Variants in PRELID2 observed in about 807,000 individuals in gnomAD.
PRELID2 encodes PRELI domain-containing protein 2.
A neutral mutation model predicts 28.4 loss-of-function variants in PRELID2; 25 were observed. The ratio of observed to expected loss-of-function variants is 0.88; its 90% CI spans 0.64 to 1.23. The LOEUF (loss-of-function observed/expected upper bound fraction) is 1.23. PRELID2 is among the 50% of genes most tolerant of loss of function. The pLI is 0.00. For synonymous variants in PRELID2, 76 were observed against 71.6 expected (o/e 1.06, Z -0.31); for missense variants, 201 against 214.4 (o/e 0.94, Z 0.39).
At chr5:145,656,640 A>G (rs1477825397) in intron 1 of PRELID2, among the ~76,000 whole-genome samples, 1 of 151,874 alleles carries the variant, frequency 6.6e-6, no homozygotes, top group East Asian at 1.9e-4. Context: ...TTCTCAGCAA[A>G]CTATCGCAAG....
the PRELID2 span, among the ~76,000 whole-genome samples, chr5:145,360,758 C>T: frequency 6.6e-6 from 1 of 152,110 alleles, no homozygotes; most frequent in Non-Finnish European, 1.5e-5. Flanking sequence ...TAATTCCAAT[C>T]CTTTGAATGA....
chr5:145,600,426 A>G (rs1226233445), intron 1 of PRELID2, among the ~76,000 whole-genome samples: 1 of 116,696 alleles, frequency 8.6e-6, no homozygotes. Flanking sequence ...GGGGGAAAAA[A>G]AAAAAAAAAT....
chr5:145,816,131 A>G (rs1420418821), intron 4 of PRELID2, among the ~76,000 whole-genome samples: 1 of 125,256 alleles, frequency 8.0e-6, no homozygotes, highest in Non-Finnish European at 1.6e-5. Flanking sequence ...TGCCCAGGCT[A>G]GAGTGCCATG....
the PRELID2 span, among the ~76,000 whole-genome samples, chr5:145,369,483 G>A: frequency 6.6e-5 from 10 of 151,964 alleles, no homozygotes; most frequent in Non-Finnish European, 1.5e-4. Context: ...AGTATTCCAT[G>A]GTGTATATGT....
chr5:145,697,080 T>TATATATAC (rs1554084239), intron 1 of PRELID2, among the ~76,000 whole-genome samples: 5 of 85,944 alleles, frequency 5.8e-5, no homozygotes, highest in East Asian at 3.5e-4. Context: ...TATATATATA[T>TATATATAC]ACACACACAC....
chr5:145,616,871 C>T (rs60660012), intron 1 of PRELID2, among the ~76,000 whole-genome samples: 5,320 of 152,184 alleles, frequency 0.035, 279 homozygotes, highest in African/African-American at 0.12. Flanking sequence ...AGCCTGGGAG[C>T]GCTATGGGAG....
At chr5:145,680,931 T>C (rs1424484664) in intron 1 of PRELID2, among the ~76,000 whole-genome samples, 1 of 152,206 alleles carries the variant, frequency 6.6e-6, no homozygotes, top group Non-Finnish European at 1.5e-5. Flanking sequence ...GCTGTTTTTA[T>C]GAGGAGTTCT....
rs546643033 is a variant in PRELID2, at chr5:145,501,524, G to A, written n.71-28209C>T. Among the ~76,000 whole-genome samples, 170 of 152,216 alleles carry A rather than the reference G, an allele frequency of 1.1e-3. 2 individuals are homozygous for A. Among genetic ancestry groups the A allele is most frequent in the Non-Finnish European group, 2.0e-3 (136 of 68,000 alleles). On this transcript the variant is annotated intron_variant and non_coding_transcript_variant, in intron 1 of 2. Transcript: ENST00000510259. Reference sequence around the variant, plus strand: ...CAGTTTCCCCCATACTGTTCTTGTGGTGTGAATAAGTCTCATGAGAGCTGA... The same window carrying A: ...CAGTTTCCCCCATACTGTTCTTGTGATGTGAATAAGTCTCATGAGAGCTGA...
the PRELID2 span, among the ~76,000 whole-genome samples, chr5:145,454,230 C>G: frequency 1.3e-5 from 2 of 152,090 alleles, no homozygotes; most frequent in African/African-American, 2.4e-5. Context: ...AATTCAACAG[C>G]CCTTCAAGCT....
At chr5:145,556,392 C>T (rs1460535898) in intron 1 of PRELID2, among the ~76,000 whole-genome samples, 8 of 151,932 alleles carry the variant, frequency 5.3e-5, no homozygotes, top group Non-Finnish European at 1.2e-4. Flanking sequence ...GATATCATTT[C>T]ACTCCCTCAT....
chr5:145,690,051 GCAATCTC>G (rs1361485550), intron 1 of PRELID2, among the ~76,000 whole-genome samples: 1 of 146,132 alleles, frequency 6.8e-6, no homozygotes, highest in African/African-American at 2.6e-5. Context: ...GTGCAATGGT[GCAATCTC>G]CACTCACTGC....
intron 4 of PRELID2, among the ~76,000 whole-genome samples, chr5:145,807,608 T>C (rs1753601496): frequency 6.6e-6 from 1 of 152,036 alleles, no homozygotes; most frequent in Non-Finnish European, 1.5e-5. Context: ...ACTGGCTCAA[T>C]GTAGAGATTC....
At chr5:145,456,445 C>T in the PRELID2 span, among the ~76,000 whole-genome samples, 3,893 of 152,164 alleles carry the variant, frequency 0.026, 182 homozygotes, top group African/African-American at 0.088. Context: ...ATTTTTGGTG[C>T]CTTCTCATCC....
At chr5:145,584,075 T>TG (rs1753131043) in intron 1 of PRELID2, among the ~76,000 whole-genome samples, 1 of 152,048 alleles carries the variant, frequency 6.6e-6, no homozygotes, top group Non-Finnish European at 1.5e-5. Context: ...AGCATGGTGC[T>TG]GGTACAAAAA....
chr5:145,541,979 A>T lies in PRELID2; in HGVS notation n.71-68664T>A, dbSNP rs531870573. ...TGTTCTACATTAGAAGAAATTCATGATAAGTAAAAAAAGAATATATTTTGG... is the reference window on the plus strand; with the variant it reads ...TGTTCTACATTAGAAGAAATTCATGTTAAGTAAAAAAAGAATATATTTTGG... On this transcript the variant is annotated intron_variant and non_coding_transcript_variant, in intron 1 of 2. Coordinates refer to the PRELID2 transcript ENST00000510259. Among the ~76,000 whole-genome samples the T allele has an allele frequency of 2.3e-4, 35 of 152,248 alleles. No individual in the cohort carries two copies. In the East Asian group the frequency reaches 4.8e-3, roughly 21 times the overall value.
chr5:145,701,015 C>G, intron 1 of PRELID2, among the ~76,000 whole-genome samples: 1 of 152,214 alleles, frequency 6.6e-6, no homozygotes, highest in East Asian at 1.9e-4. Context: ...AAGATGAGGA[C>G]AGCAGATGGT....
At chr5:145,556,177 C>CAAAAAA (rs1231402100) in intron 1 of PRELID2, among the ~76,000 whole-genome samples, 13 of 61,054 alleles carry the variant, frequency 2.1e-4, no homozygotes, top group Non-Finnish European at 2.9e-4. Flanking sequence ...GACTCTATCT[C>CAAAAAA]AAAAAAAAAA....
At chr5:145,400,380 C>T in the PRELID2 span, among the ~76,000 whole-genome samples, 1 of 152,086 alleles carries the variant, frequency 6.6e-6, no homozygotes, top group Admixed American at 6.6e-5. Flanking sequence ...CTGAGAGAAA[C>T]TTTTCCTCAT....
the PRELID2 span, among the ~76,000 whole-genome samples, chr5:145,413,039 T>C: frequency 2.6e-4 from 40 of 152,238 alleles, no homozygotes; most frequent in African/African-American, 9.1e-4. Context: ...ATTATTACAA[T>C]TCAAGATGAG....
Sources: allele counts gnomAD v4.1 joint callset (sites outside exome capture counted in the v4.1 genomes callset), GRCh38; gene constraint gnomAD v4.1.1; transcripts MANE v1.5; gene names NCBI Gene and HGNC (gene_info 2026-07-23, HGNC 2026-07-21).